The following GNA13 variants were observed in gnomAD, a reference collection of about 807,000 sequenced individuals.
The protein encoded by GNA13 is guanine nucleotide-binding protein subunit alpha-13.
GNA13 carries 4 observed loss-of-function variants against 33.5 expected under a neutral mutation model. The ratio of observed to expected loss-of-function variants is 0.12; its 90% CI spans 0.06 to 0.27. The LOEUF (loss-of-function observed/expected upper bound fraction) is 0.27, where lower values mean the gene tolerates loss of function less well. GNA13 is among the 10% of genes least tolerant of loss of function. GNA13 has a pLI of 1.00. For synonymous variants in GNA13, 176 were observed against 183.8 expected (o/e 0.96, Z 0.34); for missense variants, 319 against 487.2 (o/e 0.65, Z 3.25).
At chr17:65,043,184 C>G (rs1907526164) in intron 2 of GNA13, among the ~76,000 whole-genome samples, 1 of 152,190 alleles carries the variant, frequency 6.6e-6, no homozygotes, top group South Asian at 2.1e-4. Flanking sequence ...TCCACTTTAT[C>G]CCACAGCATG....
intron 2 of GNA13, among the ~76,000 whole-genome samples, chr17:65,037,579 C>A (rs1469379433): frequency 6.6e-6 from 1 of 151,984 alleles, no homozygotes; most frequent in Non-Finnish European, 1.5e-5. Context: ...ACCTTTCTGG[C>A]CACTTCTGCT....
chr17:65,046,486 C>T (rs1030925138), intron 2 of GNA13, among the ~76,000 whole-genome samples: 2 of 152,110 alleles, frequency 1.3e-5, no homozygotes, highest in Non-Finnish European at 2.9e-5. Context: ...GAGACAGGAT[C>T]TTGCTATGTT....
At chr17:65,053,425 G>T in intron 2 of GNA13, 77 bp downstream of exon 2, 1 of 889,544 alleles carries the variant, frequency 1.1e-6, no homozygotes, top group Non-Finnish European at 1.8e-6. Flanking sequence ...TCGAATTTTC[G>T]CATTAGGGAT....
chr17:65,038,452 A>G (rs1907340480), intron 2 of GNA13, among the ~76,000 whole-genome samples: 1 of 151,606 alleles, frequency 6.6e-6, no homozygotes. Flanking sequence ...TTGCTTTGTC[A>G]CTCAGGCTTG....
At chr17:65,050,766 C>G (rs967176241) in intron 2 of GNA13, among the ~76,000 whole-genome samples, 1 of 152,052 alleles carries the variant, frequency 6.6e-6, no homozygotes, top group Non-Finnish European at 1.5e-5. Flanking sequence ...CAATGCTGAG[C>G]GTAGACTCAG....
chr17:65,034,395 G>A (rs959262242), intron 2 of GNA13, among the ~76,000 whole-genome samples: 16 of 147,982 alleles, frequency 1.1e-4, no homozygotes, highest in African/African-American at 4.0e-4. Context: ...TTTTTTTTGA[G>A]ATGAAGTCTT....
rs369282187 is a variant in GNA13, at chr17:65,018,134, A to AG, written c.561+118_561+119insC. 9 of 101,734 alleles carry AG rather than the reference A, an allele frequency of 8.8e-5. 1 individual carries two copies. The highest frequency in any genetic ancestry group is 1.6e-4 in the Non-Finnish European group (7 of 44,544). 6.3% of individuals were successfully genotyped at this position (101,734 alleles called of 1,614,324 possible). ...AAAAAAAAAAAAAAAAAAAAAAAAA[A>AG]AAAAAGAGAGAAAGAAGCAAATAGC... On this transcript the variant is annotated intron_variant, in intron 3 of 3. Coordinates refer to ENST00000439174, the MANE Select transcript of GNA13 (RefSeq NM_006572.6).
At chr17:65,044,313 T>C (rs1907575283) in intron 2 of GNA13, among the ~76,000 whole-genome samples, 1 of 152,206 alleles carries the variant, frequency 6.6e-6, no homozygotes, top group Non-Finnish European at 1.5e-5. Context: ...AATACTGCTC[T>C]GCTAATGTGG....
At position 65,014,413 on chromosome 17, in the gene GNA13, C is replaced by T. The variant is rs1253161519; in HGVS notation, c.978G>A (p.Leu326=). The change falls in exon 4 of 4, where the codon CTG becomes CTA. Residue 326 remains leucine, a synonymous_variant. Transcript: ENST00000439174. This position sits in a 1 kb window ranked among gnomAD's most constrained non-coding sequence, Gnocchi z 5.3. The stretch of plus-strand genomic sequence containing the variant: ...GGCGTTTGTTCCGGAAACATTCCAC[C>T]AGGAATTTTTGGACGTCTCTTAAGC... ...PHCLRDVQKF[L]VECFRNKRRD... 2 of 1,614,118 alleles carry T rather than the reference C, an allele frequency of 1.2e-6. No homozygotes were observed. Among genetic ancestry groups the T allele is most frequent in the Admixed American group, 1.7e-5 (1 of 60,012 alleles).
intron 3 of GNA13, among the ~76,000 whole-genome samples, chr17:65,016,464 C>A (rs995142977): frequency 6.6e-6 from 1 of 152,138 alleles, no homozygotes; most frequent in Non-Finnish European, 1.5e-5. Context: ...CAGGTTCAAG[C>A]GATTCTGCTC....
In GNA13 at chr17:65,016,904, C is replaced by T. The variant is rs370362555; in HGVS notation, c.561+1349G>A. Reference sequence around the variant, plus strand: ...TACAATCATACCTCATTTTAAAAGACAAGAAAATACACCAAATGCATTAAC... The same window carrying T: ...TACAATCATACCTCATTTTAAAAGATAAGAAAATACACCAAATGCATTAAC... On this transcript the variant is annotated intron_variant, in intron 3 of 3. Transcript: ENST00000439174. Among the ~76,000 whole-genome samples, 361 of 152,276 alleles carry T rather than the reference C, an allele frequency of 2.4e-3. 3 individuals carry two copies. Among genetic ancestry groups the T allele is most frequent in the Middle Eastern group, 0.01 (3 of 294 alleles).
chr17:65,055,720 G>A, intron 1 of GNA13: 1 of 985,408 alleles, frequency 1.0e-6, no homozygotes, highest in African/African-American at 1.7e-5. Flanking sequence ...CGCCCAAAAG[G>A]AGGCTGTCAC....
At chr17:65,031,963 A>T (rs567778199) in intron 2 of GNA13, among the ~76,000 whole-genome samples, 1 of 145,036 alleles carries the variant, frequency 6.9e-6, no homozygotes, top group Non-Finnish European at 1.5e-5. Context: ...TGTGTATAAA[A>T]GAGACCTAGA....
At chr17:65,023,142 C>T (rs1906646830) in intron 2 of GNA13, among the ~76,000 whole-genome samples, 1 of 152,186 alleles carries the variant, frequency 6.6e-6, no homozygotes, top group Non-Finnish European at 1.5e-5. Flanking sequence ...CTGGAATATG[C>T]TAGGCTGTGT....
At chr17:65,040,363 A>T (rs1421209034) in intron 2 of GNA13, among the ~76,000 whole-genome samples, 2 of 152,232 alleles carry the variant, frequency 1.3e-5, no homozygotes, top group African/African-American at 2.4e-5. Flanking sequence ...TTTAACAGTA[A>T]ATGTGGCAAG....
In GNA13 at chr17:65,010,133, G is replaced by A. The variant is rs1350757066; in HGVS notation, c.*4124C>T. 6.6e-6 allele frequency among the ~76,000 whole-genome samples: 1 copy of A among 152,126 alleles called. No homozygotes were observed. The highest frequency in any genetic ancestry group is 1.5e-5 in the Non-Finnish European group (1 of 68,016). ...TAAGCTCTCGCATTTGAAACCAGATGGTAAGACCTGAATGCTACAAGAGTG... is the reference window on the plus strand; with the variant it reads ...TAAGCTCTCGCATTTGAAACCAGATAGTAAGACCTGAATGCTACAAGAGTG... On this transcript the variant is annotated 3_prime_UTR_variant, in exon 4 of 4. Transcript: ENST00000439174.
At chr17:65,027,636 A>G (rs1267515933) in intron 2 of GNA13, among the ~76,000 whole-genome samples, 2 of 152,092 alleles carry the variant, frequency 1.3e-5, no homozygotes, top group Non-Finnish European at 1.5e-5. Context: ...ATCCCTCTAA[A>G]TATTTGCATA....
chr17:65,011,216 A>AC lies in GNA13; in HGVS notation c.*3040dup, dbSNP rs1280184259. On this transcript the variant is annotated 3_prime_UTR_variant, in exon 4 of 4. Transcript: ENST00000439174. Reference sequence around the variant, plus strand: ...TCTTATTTCCTTCTACTTTAAACCAACCACTGCCACCAACTGAATAAGGAT... The same window carrying AC: ...TCTTATTTCCTTCTACTTTAAACCAACCCACTGCCACCAACTGAATAAGGAT... 2 of 200,052 alleles carry AC rather than the reference A, an allele frequency of 1.0e-5. No individual in the cohort carries two copies. The highest frequency in any genetic ancestry group is 4.6e-5 in the African/African-American group (2 of 43,530). 12.4% of individuals were successfully genotyped at this position (200,052 alleles called of 1,614,324 possible). A position where few individuals can be genotyped will look rare whatever the true frequency, so the allele number is the denominator to read the frequency against.
At chr17:65,055,753 T>C (rs1908026652) in intron 1 of GNA13, 1 of 985,398 alleles carries the variant, frequency 1.0e-6, no homozygotes, top group Non-Finnish European at 1.2e-6. Flanking sequence ...ACAAGAAGTC[T>C]CGGGCAAAAA....
Sources: allele counts gnomAD v4.1 joint callset (sites outside exome capture counted in the v4.1 genomes callset), GRCh38; gene constraint gnomAD v4.1.1; non-coding constraint Gnocchi (gnomAD v3.1); transcripts MANE v1.5; gene names NCBI Gene and HGNC (gene_info 2026-07-23, HGNC 2026-07-21).